The following INPP4B variants were observed in gnomAD, a reference collection of about 807,000 sequenced individuals.
INPP4B encodes the protein inositol polyphosphate 4-phosphatase type II.
In INPP4B, 55 loss-of-function variants were observed where a neutral mutation model predicts 122.5. The observed-to-expected ratio is 0.45, with a 90% CI of 0.36 to 0.56. The LOEUF is 0.56. INPP4B is among the 20% of genes least tolerant of loss of function. The pLI is 0.00. For missense variants in INPP4B, 1,000 were observed against 1,097.7 expected, an observed-to-expected ratio of 0.91 and a Z score of 1.26; for synonymous variants, 403 against 388.7, an observed-to-expected ratio of 1.04 and a Z score of -0.43.
At chr4:142,513,507 A>G (rs532218010) in intron 2 of INPP4B, among the ~76,000 whole-genome samples, 1 of 152,066 alleles carries the variant, frequency 6.6e-6, no homozygotes, top group South Asian at 2.1e-4. Flanking sequence ...TCCTGGGTTC[A>G]AGTGATTCTC....
At chr4:142,599,968 C>A (rs1739546235) in intron 2 of INPP4B, among the ~76,000 whole-genome samples, 1 of 150,752 alleles carries the variant, frequency 6.6e-6, no homozygotes, top group African/African-American at 2.4e-5. Flanking sequence ...GTAACCCAGT[C>A]AAATAAAAAT....
At chr4:142,094,043 C>A (rs1229498775) in intron 23 of INPP4B, among the ~76,000 whole-genome samples, 4 of 151,922 alleles carry the variant, frequency 2.6e-5, no homozygotes, top group Non-Finnish European at 4.4e-5. Context: ...TATTTTTTTC[C>A]TGTTTATATT....
At chr4:142,256,826 A>C (rs1736417890) in intron 11 of INPP4B, among the ~76,000 whole-genome samples, 1 of 152,202 alleles carries the variant, frequency 6.6e-6, no homozygotes, top group African/African-American at 2.4e-5. Context: ...ATCAATAGAA[A>C]AAGAGGGAAT....
intron 1 of INPP4B, among the ~76,000 whole-genome samples, chr4:142,748,465 T>C (rs1382581602): frequency 6.6e-6 from 1 of 151,932 alleles, no homozygotes; most frequent in Non-Finnish European, 1.5e-5. Context: ...AAAAGTTTAA[T>C]AGAATTGGTA....
At chr4:142,635,974 A>C (rs1749068678) in intron 2 of INPP4B, among the ~76,000 whole-genome samples, 1 of 152,168 alleles carries the variant, frequency 6.6e-6, no homozygotes, top group Non-Finnish European at 1.5e-5. Flanking sequence ...TCCCCACCCA[A>C]ATTTCACCTT....
At chr4:142,765,836 C>T (rs1772035552) in intron 1 of INPP4B, 1 of 135,084 alleles carries the variant, frequency 7.4e-6, no homozygotes, top group African/African-American at 2.8e-5. Context: ...CAGCAAAAAG[C>T]TTCTGGTTTT....
At chr4:142,619,983 G>A (rs144075026) in intron 2 of INPP4B, among the ~76,000 whole-genome samples, 10 of 152,018 alleles carry the variant, frequency 6.6e-5, no homozygotes, top group East Asian at 3.9e-4. Context: ...ACCTAACCTC[G>A]TTTTTTAAAG....
chr4:142,274,090 T>C (rs1389979998), intron 9 of INPP4B, among the ~76,000 whole-genome samples: 1 of 151,896 alleles, frequency 6.6e-6, no homozygotes, highest in Non-Finnish European at 1.5e-5. Context: ...TCTTAAATGC[T>C]AAATTATGCT....
intron 12 of INPP4B, among the ~76,000 whole-genome samples, chr4:142,229,301 C>T (rs566456323): frequency 2.4e-4 from 37 of 151,818 alleles, no homozygotes; most frequent in Non-Finnish European, 3.7e-4. Flanking sequence ...ACATGATAAA[C>T]GGGGAAAAAT....
intron 8 of INPP4B, among the ~76,000 whole-genome samples, chr4:142,312,137 A>C (rs978047198): frequency 6.6e-6 from 1 of 152,180 alleles, no homozygotes; most frequent in African/African-American, 2.4e-5. Context: ...AGTTTTTTCA[A>C]AGATGAAGAC....
Position 142,340,462 on chromosome 4 carries a change from T to C in INPP4B, c.373-25700A>G, listed in dbSNP as rs545292148. Among the ~76,000 whole-genome samples, 36 of 152,190 alleles carry C rather than the reference T, an allele frequency of 2.4e-4. No homozygotes were observed. In the South Asian group the frequency reaches 7.1e-3, roughly 30 times the overall value. On this transcript the variant is annotated intron_variant, in intron 7 of 25. Transcript: ENST00000262992. ...TCTTTCTGTCACCCAGGCTGGAGTA[T>C]AGTGGCACAATCATGGCTCATTTTT... is the stretch of plus-strand genomic sequence containing the variant.
chr4:142,518,342 A>G (rs949030061), intron 2 of INPP4B, among the ~76,000 whole-genome samples: 2 of 152,202 alleles, frequency 1.3e-5, no homozygotes, highest in South Asian at 2.1e-4. Flanking sequence ...CAAGTGACTT[A>G]TAAGCACAAA....
At position 142,503,958 on chromosome 4, in the gene INPP4B, A is replaced by G. The variant is rs192647234; in HGVS notation, c.-190-41232T>C. Among the ~76,000 whole-genome samples, 31 of 152,098 alleles carry G rather than the reference A, an allele frequency of 2.0e-4. No individual in the cohort carries two copies. In the East Asian group the frequency reaches 5.2e-3, roughly 26 times the overall value. On this transcript the variant is annotated intron_variant, in intron 2 of 25. Transcript: ENST00000262992. ...AAAAAACAAATTCCATATTTGTTAT[A>G]AACTTAATTATAAACAAAACAAAAA...
intron 7 of INPP4B, among the ~76,000 whole-genome samples, chr4:142,351,893 A>G (rs889869339): frequency 3.9e-5 from 6 of 152,048 alleles, no homozygotes; most frequent in African/African-American, 7.2e-5. Flanking sequence ...CCAAAACAAT[A>G]CTTGTGAGCT....
Position 142,064,551 on chromosome 4 carries a change from G to A in INPP4B, c.2642+17480C>T, listed in dbSNP as rs557288360. Among the ~76,000 whole-genome samples the A allele has an allele frequency of 1.1e-4, 16 of 152,194 alleles. 1 individual carries two copies. In the South Asian group the frequency reaches 3.1e-3, roughly 30 times the overall value. ...TTAATGGCAACTACAGATACTAGGAGTTTTCAATAAATCTATTTCAAGAGC... is the reference window on the plus strand; with the variant it reads ...TTAATGGCAACTACAGATACTAGGAATTTTCAATAAATCTATTTCAAGAGC... On this transcript the variant is annotated intron_variant, in intron 25 of 25. Transcript: ENST00000262992.
Position 142,312,827 on chromosome 4 carries a change from C to T in INPP4B, c.423+1885G>A, listed in dbSNP as rs561525296. Among the ~76,000 whole-genome samples, 4 of 152,240 alleles carry T rather than the reference C, an allele frequency of 2.6e-5. No homozygotes were observed. In the South Asian group the frequency reaches 6.2e-4, roughly 24 times the overall value. On this transcript the variant is annotated intron_variant, in intron 8 of 25. Coordinates refer to ENST00000262992, the MANE Select transcript of INPP4B (RefSeq NM_001101669.3). ...GGCCTCAGAAATATCTATACCTGTG[C>T]CCATCAGAGAGCCAGCAAATCAGTA...
intron 2 of INPP4B, among the ~76,000 whole-genome samples, chr4:142,546,470 T>C (rs1302158697): frequency 6.6e-6 from 1 of 152,164 alleles, no homozygotes; most frequent in African/African-American, 2.4e-5. Flanking sequence ...CTTTCAACCA[T>C]AGTACATGTC....
chr4:142,815,778 A>C (rs1356395348), intron 1 of INPP4B, among the ~76,000 whole-genome samples: 3 of 152,170 alleles, frequency 2.0e-5, no homozygotes, highest in Non-Finnish European at 4.4e-5. Flanking sequence ...GATTGGAAGA[A>C]AACACATTTC....
intron 2 of INPP4B, among the ~76,000 whole-genome samples, chr4:142,637,569 T>C (rs1191657072): frequency 2.0e-5 from 3 of 152,238 alleles, no homozygotes; most frequent in Non-Finnish European, 4.4e-5. Context: ...ATTGTCTGAA[T>C]ATGCCACAGT....
Sources: gnomAD v4.1 joint callset for allele counts (sites outside exome capture counted in the v4.1 genomes callset) on GRCh38, gnomAD v4.1.1 for gene constraint, MANE v1.5 for transcripts, NCBI Gene and HGNC (gene_info 2026-07-23, HGNC 2026-07-21) for gene names.